The following IL34 variants were observed in gnomAD, a reference collection of about 807,000 sequenced individuals.
IL34 encodes interleukin-34.
IL34 carries 17 observed loss-of-function variants against 25.3 expected under a neutral mutation model. That is an observed-to-expected ratio of 0.67 (90% CI 0.46 to 1.01). IL34 has a LOEUF of 1.01. Ranked by LOEUF, IL34 falls within the 50% of genes least tolerant of loss-of-function variation. IL34 has a pLI of 0.00. For missense variants in IL34, 368 were observed against 312.9 expected, an observed-to-expected ratio of 1.18 and a Z score of -1.33; for synonymous variants, 174 against 140.9, an observed-to-expected ratio of 1.23 and a Z score of -1.66.
intron 1 of IL34, among the ~76,000 whole-genome samples, chr16:70,635,035 A>T (rs1365638072): frequency 6.6e-6 from 1 of 152,212 alleles, no homozygotes; most frequent in Non-Finnish European, 1.5e-5. Flanking sequence ...GATTCATAGT[A>T]TGAATACAGC....
chr16:70,643,045 CTTTATTA>C (rs987013022), upstream of IL34, among the ~76,000 whole-genome samples: 2 of 152,140 alleles, frequency 1.3e-5, no homozygotes, highest in Non-Finnish European at 2.9e-5. Context: ...AAGTTGTACA[CTTTATTA>C]TTTATTTTTA....
rs1032183008 is a variant in IL34 at position 70,606,595 on chromosome 16, A to AT, written c.-401+26556dup. On this transcript the variant is annotated intron_variant, in intron 1 of 6. Transcript: ENST00000429149. ...TTTTAGATTCGTTTGGATTTTCTAG[A>AT]TTTTTTTTTTGAGACAAGATCTCGT... Among the ~76,000 whole-genome samples, 185 of 149,276 alleles carry AT rather than the reference A, an allele frequency of 1.2e-3. 1 individual carries two copies. Among genetic ancestry groups the AT allele is most frequent in the Middle Eastern group, 3.4e-3 (1 of 294 alleles).
Position 70,585,797 on chromosome 16 carries a change from G to A in IL34, c.-401+5748G>A, listed in dbSNP as rs1040198055. On this transcript the variant is annotated intron_variant, in intron 1 of 6. Coordinates refer to the IL34 transcript ENST00000429149. The stretch of plus-strand genomic sequence containing the variant: ...TCCTCCCACTTCAGCCTCCCAAAGT[G>A]CTGGGATTACAGGCGTGAGCCACTG... 2.6e-5 allele frequency among the ~76,000 whole-genome samples: 4 copies of A among 150,952 alleles called. No individual in the cohort carries two copies. The South Asian group carries it at 8.4e-4, about 32-fold the overall frequency.
At chr16:70,624,832 G>A (rs1441884202) in intron 1 of IL34, among the ~76,000 whole-genome samples, 1 of 151,894 alleles carries the variant, frequency 6.6e-6, no homozygotes, top group Non-Finnish European at 1.5e-5. Context: ...GGCCTGGAGA[G>A]GAGGGGAGAG....
At chr16:70,597,815 CTGGGTGGCCCAGGCCCTGGAGATGCA>C (rs2050845879) in intron 1 of IL34, among the ~76,000 whole-genome samples, 1 of 152,124 alleles carries the variant, frequency 6.6e-6, no homozygotes, top group Admixed American at 6.5e-5. Context: ...CAGGAAATGC[CTGGGTGGCCCAGGCCCTGGAGATGCA>C]GTTCTTTTTT....
intron 1 of IL34, among the ~76,000 whole-genome samples, chr16:70,587,389 C>T (rs1049589586): frequency 6.6e-6 from 1 of 152,134 alleles, no homozygotes; most frequent in African/African-American, 2.4e-5. Context: ...CCTGCCTCAG[C>T]CTCCCGAGTA....
chr16:70,659,770 G>A lies in IL34; in HGVS notation c.538+17G>A. The A allele has an allele frequency of 6.3e-7, 1 of 1,584,680 alleles. No individual in the cohort carries two copies. Among genetic ancestry groups the A allele is most frequent in the South Asian group, 1.1e-5 (1 of 89,516 alleles). On this transcript the variant is annotated intron_variant, in intron 5 of 5. Transcript: ENST00000288098. ...GCTCCTGCTGTAAGGAGCTCTCAGG[G>A]GATGGCGCCTGGGGGTGGGAGGCCA...
intron 1 of IL34, among the ~76,000 whole-genome samples, chr16:70,604,080 C>T (rs1344193322): frequency 6.6e-6 from 1 of 152,184 alleles, no homozygotes; most frequent in Non-Finnish European, 1.5e-5. Context: ...ATATGTGAAA[C>T]TATGAATGAA....
At chr16:70,593,700 CTT>C (rs1567437230) in intron 1 of IL34, among the ~76,000 whole-genome samples, 1 of 151,726 alleles carries the variant, frequency 6.6e-6, no homozygotes, top group South Asian at 2.1e-4. Flanking sequence ...TGTATTTTTT[CTT>C]TTTTTGTGGT....
At chr16:70,625,430 G>T (rs974509134) in intron 1 of IL34, among the ~76,000 whole-genome samples, 24 of 152,078 alleles carry the variant, frequency 1.6e-4, no homozygotes, top group South Asian at 4.1e-4. Context: ...TAGAAAAGCG[G>T]GACTTGCCGC....
chr16:70,622,775 T>C (rs951255956), intron 1 of IL34, among the ~76,000 whole-genome samples: 1 of 151,966 alleles, frequency 6.6e-6, no homozygotes, highest in Non-Finnish European at 1.5e-5. Flanking sequence ...GCTTCAGGTA[T>C]GAGGAAGAAA....
chr16:70,622,467 TGA>T (rs58391381), intron 1 of IL34, among the ~76,000 whole-genome samples: 58,360 of 150,732 alleles, frequency 0.39, 11,912 homozygotes, highest in South Asian at 0.6. Flanking sequence ...TGAGAGGTTC[TGA>T]GAGGCGGGCT....
chr16:70,626,560 C>G (rs1471191471), intron 1 of IL34, among the ~76,000 whole-genome samples: 2 of 152,098 alleles, frequency 1.3e-5, no homozygotes, highest in South Asian at 4.1e-4. Flanking sequence ...CCACGCCCGG[C>G]TAATTTTGTA....
intron 1 of IL34, among the ~76,000 whole-genome samples, chr16:70,591,961 A>T (rs1265796349): frequency 6.6e-6 from 1 of 150,982 alleles, no homozygotes; most frequent in Non-Finnish European, 1.5e-5. Context: ...TCTTCTCACC[A>T]CTGTCCTGGG....
intron 1 of IL34, among the ~76,000 whole-genome samples, chr16:70,587,461 C>T (rs1012434010): frequency 4.6e-5 from 7 of 151,958 alleles, no homozygotes; most frequent in South Asian, 2.1e-4. Context: ...TTAGTAGAGA[C>T]GGGGTTTCAC....
intron 1 of IL34, among the ~76,000 whole-genome samples, chr16:70,592,113 G>T (rs1051808754): frequency 2.0e-5 from 3 of 151,790 alleles, no homozygotes; most frequent in Non-Finnish European, 4.4e-5. Context: ...GTTCATTCTT[G>T]TCTCTACCAT....
At chr16:70,582,895 T>C (rs2050650538) in intron 1 of IL34, among the ~76,000 whole-genome samples, 1 of 152,022 alleles carries the variant, frequency 6.6e-6, no homozygotes, top group Non-Finnish European at 1.5e-5. Flanking sequence ...GAGGAACAAT[T>C]GATTAGGCAG....
chr16:70,649,670 G>T (rs2052030644), intron 1 of IL34, among the ~76,000 whole-genome samples: 1 of 152,182 alleles, frequency 6.6e-6, no homozygotes, highest in African/African-American at 2.4e-5. Context: ...CCGGGGCTGG[G>T]GGTGACAAGC....
chr16:70,648,053 C>T (rs184250103), intron 1 of IL34, among the ~76,000 whole-genome samples: 13 of 152,220 alleles, frequency 8.5e-5, no homozygotes, highest in Admixed American at 2.0e-4. Flanking sequence ...GGTTTGGACC[C>T]GGCTGGCTGA....
Sources: gnomAD v4.1 joint callset for allele counts (sites outside exome capture counted in the v4.1 genomes callset) on GRCh38, gnomAD v4.1.1 for gene constraint, MANE v1.5 for transcripts, NCBI Gene and HGNC (gene_info 2026-07-23, HGNC 2026-07-21) for gene names.